The following SNX24 variants were observed in gnomAD, a reference collection of about 807,000 sequenced individuals.
SNX24 encodes sorting nexin-24.
In SNX24, 22 loss-of-function variants were observed where a neutral mutation model predicts 28.7. The ratio of observed to expected loss-of-function variants is 0.77; its 90% CI spans 0.55 to 1.10. The LOEUF is 1.10. Among genes scored for constraint, SNX24 ranks in the 50% least tolerant of loss-of-function variants. The pLI is 0.00. For missense variants in SNX24, 221 were observed against 201.1 expected (o/e 1.10, Z -0.60); for synonymous variants, 69 against 71.5 (o/e 0.96, Z 0.18).
At chr5:122,993,721 T>A (rs1175640030) in intron 3 of SNX24, among the ~76,000 whole-genome samples, 2 of 152,142 alleles carry the variant, frequency 1.3e-5, no homozygotes, top group East Asian at 3.8e-4. Context: ...CTCTGTGAGC[T>A]CTTAGGTTTG....
chr5:123,008,581 A>C lies in SNX24; in HGVS notation c.*832A>C, dbSNP rs1210962580. 1 of 154,494 alleles carries C rather than the reference A, an allele frequency of 6.5e-6. No individual in the cohort carries two copies. Among genetic ancestry groups the C allele is most frequent in the African/African-American group, 2.4e-5 (1 of 41,114 alleles). The allele number at this position is 154,494 out of a possible 1,614,324, so 9.6% of individuals were successfully genotyped here. On this transcript the variant is annotated 3_prime_UTR_variant, in exon 7 of 7. Coordinates refer to ENST00000261369, the MANE Select transcript of SNX24 (RefSeq NM_014035.4). ...TAAAAAAAAAAAAAAAAAAGCACAT[A>C]ACTTTTAACACTAGAATCAGCCCGC...
chr5:122,864,064 G>A (rs540620285), intron 1 of SNX24, among the ~76,000 whole-genome samples: 1 of 152,292 alleles, frequency 6.6e-6, no homozygotes, highest in African/African-American at 2.4e-5. Flanking sequence ...CCCTCCCTTT[G>A]TGGAACTTAC....
At chr5:122,925,538 A>G (rs1443065810) in intron 1 of SNX24, among the ~76,000 whole-genome samples, 1 of 152,078 alleles carries the variant, frequency 6.6e-6, no homozygotes, top group Non-Finnish European at 1.5e-5. Flanking sequence ...TGCTGGGATT[A>G]GAGATGTGAG....
intron 3 of SNX24, among the ~76,000 whole-genome samples, chr5:122,976,314 G>C (rs1467534383): frequency 6.8e-6 from 1 of 147,212 alleles, no homozygotes; most frequent in African/African-American, 2.5e-5. Context: ...AAAAAAACAG[G>C]CAAAAAGATC....
At chr5:122,967,678 C>G (rs544301796) in intron 3 of SNX24, among the ~76,000 whole-genome samples, 1 of 152,152 alleles carries the variant, frequency 6.6e-6, no homozygotes, top group Non-Finnish European at 1.5e-5. Context: ...TACGGGCATC[C>G]CCACAACCAG....
chr5:122,868,680 T>G (rs1755836471), intron 1 of SNX24, among the ~76,000 whole-genome samples: 1 of 152,092 alleles, frequency 6.6e-6, no homozygotes, highest in Non-Finnish European at 1.5e-5. Flanking sequence ...TCTTTTCAAG[T>G]CACTTGATAA....
At chr5:122,972,349 C>G (rs1372618665) in intron 3 of SNX24, among the ~76,000 whole-genome samples, 1 of 152,162 alleles carries the variant, frequency 6.6e-6, no homozygotes, top group African/African-American at 2.4e-5. Context: ...CACTTCCACC[C>G]CTTGATTCCT....
At chr5:122,852,237 CAT>C (rs1229619044) in intron 1 of SNX24, among the ~76,000 whole-genome samples, 3 of 151,672 alleles carry the variant, frequency 2.0e-5, no homozygotes, top group Non-Finnish European at 2.9e-5. Flanking sequence ...CGTAGGTAAA[CAT>C]GTGCCGTGGT....
intron 1 of SNX24, among the ~76,000 whole-genome samples, chr5:122,867,472 T>G (rs141614848): frequency 5.3e-5 from 8 of 152,158 alleles, no homozygotes; most frequent in Non-Finnish European, 1.2e-4. Flanking sequence ...ATTCCCAATA[T>G]GGAATGGTGC....
intron 1 of SNX24, among the ~76,000 whole-genome samples, chr5:122,847,511 T>TTTTTTTTTG (rs1754696080): frequency 6.6e-6 from 1 of 150,954 alleles, no homozygotes; most frequent in African/African-American, 2.4e-5. Context: ...TCTTTTTTTT[T>TTTTTTTTTG]TTGAGACAGT....
At chr5:122,954,815 G>C (rs923271061) in intron 3 of SNX24, among the ~76,000 whole-genome samples, 4 of 151,484 alleles carry the variant, frequency 2.6e-5, no homozygotes, top group African/African-American at 9.7e-5. Flanking sequence ...CTTGTCTTTA[G>C]TTTTCAGAAG....
chr5:122,878,276 G>C (rs762114564), intron 1 of SNX24, among the ~76,000 whole-genome samples: 1 of 152,098 alleles, frequency 6.6e-6, no homozygotes, highest in Non-Finnish European at 1.5e-5. Context: ...CTGTTGTGTG[G>C]TTCTGGAGAC....
intron 6 of SNX24, 23 bp downstream of exon 6, chr5:123,002,027 A>G (rs758558862): frequency 1.9e-6 from 3 of 1,593,854 alleles, no homozygotes; most frequent in Admixed American, 1.7e-5. Flanking sequence ...GTCATCTGCT[A>G]ACAGCTCTTT....
chr5:122,944,629 A>G (rs576702042), intron 2 of SNX24, among the ~76,000 whole-genome samples: 2 of 152,266 alleles, frequency 1.3e-5, no homozygotes, highest in South Asian at 4.2e-4. Context: ...CATGATCATC[A>G]GGGACCCAGG....
chr5:123,002,986 A>T lies in SNX24; in HGVS notation c.442+982A>T, dbSNP rs1762298610. The stretch of plus-strand genomic sequence containing the variant: ...CCACTCTCAGATGGTTGATGGGTGG[A>T]CCTCTTGTTGCCTATGTATTCCTTC... On this transcript the variant is annotated intron_variant, in intron 6 of 6. Coordinates refer to ENST00000261369, the MANE Select transcript of SNX24 (RefSeq NM_014035.4). 2.6e-5 allele frequency among the ~76,000 whole-genome samples: 4 copies of T among 151,796 alleles called. No homozygotes were observed. The South Asian group carries it at 8.4e-4, about 32-fold the overall frequency.
In SNX24 at chr5:122,973,904, A is replaced by C. The variant is rs139343341; in HGVS notation, c.250-26008A>C. On this transcript the variant is annotated intron_variant, in intron 3 of 6. Coordinates refer to ENST00000261369, the MANE Select transcript of SNX24 (RefSeq NM_014035.4). Reference sequence around the variant, plus strand: ...TATGAGGGCCTGCCAAAGTATCCCTATCTGCCACTGACACCTCAAGCACCA... The same window carrying C: ...TATGAGGGCCTGCCAAAGTATCCCTCTCTGCCACTGACACCTCAAGCACCA... 3.9e-5 allele frequency among the ~76,000 whole-genome samples: 6 copies of C among 152,302 alleles called. No individual in the cohort carries two copies. In the East Asian group the frequency reaches 1.2e-3, roughly 29 times the overall value.
At chr5:122,889,234 G>A (rs190848231) in intron 1 of SNX24, among the ~76,000 whole-genome samples, 2 of 152,132 alleles carry the variant, frequency 1.3e-5, no homozygotes. Context: ...AGAATTCTCA[G>A]CATTCCTCAA....
intron 1 of SNX24, among the ~76,000 whole-genome samples, chr5:122,868,052 T>C (rs1358205565): frequency 2.6e-5 from 4 of 152,238 alleles, no homozygotes; most frequent in African/African-American, 4.8e-5. Flanking sequence ...GTACTGCAGC[T>C]GTGCACTTCC....
intron 3 of SNX24, among the ~76,000 whole-genome samples, chr5:122,990,082 GT>G (rs1262843151): frequency 6.6e-6 from 1 of 152,110 alleles, no homozygotes; most frequent in African/African-American, 2.4e-5. Flanking sequence ...TTATAGATAT[GT>G]TTTTTATTTT....
Sources: allele counts gnomAD v4.1 joint callset (sites outside exome capture counted in the v4.1 genomes callset), GRCh38; gene constraint gnomAD v4.1.1; transcripts MANE v1.5; gene names NCBI Gene and HGNC (gene_info 2026-07-23, HGNC 2026-07-21).